Variants in TRIM9 observed in about 807,000 individuals in gnomAD.
TRIM9 encodes tripartite motif containing 9.
TRIM9 carries 26 observed loss-of-function variants against 78.3 expected under a neutral mutation model. That is an observed-to-expected ratio of 0.33 (90% CI 0.24 to 0.46). The LOEUF (loss-of-function observed/expected upper bound fraction) is 0.46, where lower values mean the gene tolerates loss of function less well. TRIM9 is among the 20% of genes least tolerant of loss of function. The probability of loss-of-function intolerance (pLI) is 1.00; values close to 1 mark genes in which losing one functional copy is unlikely to be tolerated. For missense variants in TRIM9, 787 were observed against 1,036.4 expected (o/e 0.76, Z 3.30); for synonymous variants, 398 against 416.5 (o/e 0.96, Z 0.54).
chr14:50,982,277 C>A (rs1215191382), intron 10 of TRIM9, 174 bp from the exon 11 acceptor site: 7 of 676,798 alleles, frequency 1.0e-5, no homozygotes, highest in African/African-American at 1.8e-5. Flanking sequence ...GTACTCTCTG[C>A]ACCAGAAGCA....
chr14:51,071,138 A>T (rs1157267563), intron 1 of TRIM9, among the ~76,000 whole-genome samples: 1 of 152,094 alleles, frequency 6.6e-6, no homozygotes, highest in African/African-American at 2.4e-5. Flanking sequence ...TAGCACTTTG[A>T]GGCCAGGGTG....
intron 1 of TRIM9, among the ~76,000 whole-genome samples, chr14:51,084,678 A>G (rs1051416759): frequency 2.0e-5 from 3 of 152,226 alleles, no homozygotes; most frequent in Non-Finnish European, 4.4e-5. Flanking sequence ...ATTCCAAGAT[A>G]ATGGGACAGC....
At chr14:51,024,370 G>A (rs1178396007) in intron 2 of TRIM9, among the ~76,000 whole-genome samples, 1 of 152,052 alleles carries the variant, frequency 6.6e-6, no homozygotes, top group East Asian at 1.9e-4. Context: ...ACATGGGCAT[G>A]TGTGCCAAAA....
At chr14:51,060,479 T>G (rs1471234526) in intron 1 of TRIM9, among the ~76,000 whole-genome samples, 2 of 152,204 alleles carry the variant, frequency 1.3e-5, no homozygotes, top group Non-Finnish European at 2.9e-5. Flanking sequence ...TCTCTTTTTT[T>G]TTTCTGAGAC....
intron 1 of TRIM9, among the ~76,000 whole-genome samples, chr14:51,031,745 T>C (rs2139874456): frequency 6.6e-6 from 1 of 152,316 alleles, no homozygotes; most frequent in African/African-American, 2.4e-5. Context: ...TTAGTGACAG[T>C]TGCTAGCCCT....
At chr14:51,030,346 C>A (rs745784957) in intron 1 of TRIM9, among the ~76,000 whole-genome samples, 1 of 152,200 alleles carries the variant, frequency 6.6e-6, no homozygotes, top group Non-Finnish European at 1.5e-5. Context: ...AAGAATGGAT[C>A]CCTTCTCCGG....
At position 51,094,280 on chromosome 14, in the gene TRIM9, C is replaced by T. The variant is rs1157766657; in HGVS notation, c.660G>A (p.Arg220=). The part of the protein sequence containing the change: ...VPPAQGRVSR[R]LSPRKVSTCT... Reference sequence around the variant, plus strand: ...AGGTGGAGACCTTGCGTGGGCTCAGCCTCCGGCTCACACGACCCTGGGCCG... The same window carrying T: ...AGGTGGAGACCTTGCGTGGGCTCAGTCTCCGGCTCACACGACCCTGGGCCG... Residue 220 remains arginine (R), a synonymous_variant, in exon 1 of 13, where the codon AGG becomes AGA. Transcript: ENST00000684578. 6.2e-7 allele frequency: 1 copy of T among 1,614,094 alleles called. No individual in the cohort carries two copies. Among genetic ancestry groups the T allele is most frequent in the Non-Finnish European group, 8.5e-7 (1 of 1,180,004 alleles).
intron 1 of TRIM9, chr14:51,089,951 C>CACAAATAAAATCACAATT (rs1464302415): frequency 6.6e-6 from 1 of 152,194 alleles, no homozygotes; most frequent in Non-Finnish European, 1.5e-5. Context: ...AAAATCCTTT[C>CACAAATAAAATCACAATT]ACAATTGTAA....
At chr14:51,084,610 G>T (rs1290089904) in intron 1 of TRIM9, among the ~76,000 whole-genome samples, 2 of 152,138 alleles carry the variant, frequency 1.3e-5, no homozygotes. Flanking sequence ...TTACTAGATT[G>T]GATGAATGTC....
At chr14:51,000,095 C>T (rs1468076065) in intron 6 of TRIM9, among the ~76,000 whole-genome samples, 1 of 152,090 alleles carries the variant, frequency 6.6e-6, no homozygotes, top group African/African-American at 2.4e-5. Flanking sequence ...AGAAAGGTTG[C>T]TTAGAATAGG....
At chr14:51,061,728 T>C (rs2061368646) in intron 1 of TRIM9, among the ~76,000 whole-genome samples, 1 of 152,256 alleles carries the variant, frequency 6.6e-6, no homozygotes, top group Non-Finnish European at 1.5e-5. Context: ...TTTTGTTTTT[T>C]ATTATGTATT....
chr14:50,988,943 C>G (rs899029587), intron 7 of TRIM9, among the ~76,000 whole-genome samples: 2 of 152,206 alleles, frequency 1.3e-5, no homozygotes, highest in Admixed American at 6.5e-5. Flanking sequence ...ATGAGGAACT[C>G]ATTGCTTCCA....
At chr14:51,091,393 C>A (rs540789008) in intron 1 of TRIM9, 16 of 152,284 alleles carry the variant, frequency 1.1e-4, no homozygotes, top group African/African-American at 3.6e-4. Context: ...TGAATGACAA[C>A]TTTTCAGGTC....
chr14:51,057,881 G>A (rs1442827780), intron 1 of TRIM9, among the ~76,000 whole-genome samples: 1 of 152,188 alleles, frequency 6.6e-6, no homozygotes, highest in East Asian at 1.9e-4. Flanking sequence ...AGCCAAGTCT[G>A]TACACAAGTT....
chr14:50,995,621 T>C (rs1490776586), intron 7 of TRIM9, among the ~76,000 whole-genome samples: 1 of 152,236 alleles, frequency 6.6e-6, no homozygotes, highest in Admixed American at 6.5e-5. Context: ...CAAGTTAGAC[T>C]TGTTACCGCA....
chr14:51,012,776 T>C (rs973976429), intron 3 of TRIM9, among the ~76,000 whole-genome samples: 2 of 152,232 alleles, frequency 1.3e-5, no homozygotes, highest in South Asian at 2.1e-4. Context: ...TGGTATCTCA[T>C]TGTGGTTTCA....
intron 1 of TRIM9, among the ~76,000 whole-genome samples, chr14:51,048,506 T>C (rs912513587): frequency 6.6e-6 from 1 of 152,222 alleles, no homozygotes; most frequent in South Asian, 2.1e-4. Flanking sequence ...GTGAAAGTCA[T>C]TGGTTAATTA....
Position 50,975,573 on chromosome 14 carries a change from A to C in TRIM9, c.*1718T>G, listed in dbSNP as rs78551501. 82 of 152,784 alleles carry C rather than the reference A, an allele frequency of 5.4e-4. No individual in the cohort carries two copies. Among genetic ancestry groups the C allele is most frequent in the African/African-American group, 1.9e-3 (80 of 41,582 alleles). The allele number at this position is 152,784 out of a possible 1,614,324, so 9.5% of individuals were successfully genotyped here. On this transcript the variant is annotated 3_prime_UTR_variant, in exon 13 of 13. Coordinates refer to ENST00000684578, the MANE Select transcript of TRIM9 (RefSeq NM_001387360.1). Reference sequence around the variant, plus strand: ...CCCATTCCATAAATTAGGTACACTTAACTAGAAAAAGATTGTAACTGATAG... The same window carrying C: ...CCCATTCCATAAATTAGGTACACTTCACTAGAAAAAGATTGTAACTGATAG...
At chr14:51,042,471 T>C (rs531500212) in intron 1 of TRIM9, among the ~76,000 whole-genome samples, 9 of 152,338 alleles carry the variant, frequency 5.9e-5, no homozygotes, top group African/African-American at 1.9e-4. Flanking sequence ...AGATTTCCCT[T>C]TTAAATCTTT....
Sources: gnomAD v4.1 joint callset for allele counts (sites outside exome capture counted in the v4.1 genomes callset) on GRCh38, gnomAD v4.1.1 for gene constraint, MANE v1.5 for transcripts, NCBI Gene and HGNC (gene_info 2026-07-23, HGNC 2026-07-21) for gene names.